DIP2B: variants seen among roughly 807,000 people sequenced by gnomAD.
DIP2B encodes the protein disco-interacting protein 2 homolog B.
DIP2B carries 76 observed loss-of-function variants against 198.0 expected under a neutral mutation model. The ratio of observed to expected loss-of-function variants is 0.38; its 90% CI spans 0.32 to 0.46. The LOEUF (loss-of-function observed/expected upper bound fraction) is 0.46, where lower values mean the gene tolerates loss of function less well. DIP2B is among the 20% of genes least tolerant of loss of function. The pLI is 0.99. For synonymous variants in DIP2B, 701 were observed against 739.1 expected, an observed-to-expected ratio of 0.95 and a Z score of 0.84; for missense variants, 1,559 against 1,978.4, an observed-to-expected ratio of 0.79 and a Z score of 4.02.
At chr12:50,701,043 C>T (rs893123909) in intron 19 of DIP2B, among the ~76,000 whole-genome samples, 1 of 152,160 alleles carries the variant, frequency 6.6e-6, no homozygotes, top group African/African-American at 2.4e-5. Flanking sequence ...TTACTAAAAA[C>T]AAGAGCCTCA....
chr12:50,654,827 T>C (rs1157331832), intron 3 of DIP2B, among the ~76,000 whole-genome samples: 3 of 152,202 alleles, frequency 2.0e-5, no homozygotes, highest in African/African-American at 7.2e-5. Flanking sequence ...TACTAGGATA[T>C]GAATTCTTAG....
Position 50,671,205 on chromosome 12 carries a change from G to A in DIP2B, c.447G>A (p.Glu149=). The A allele has an allele frequency of 6.2e-7, 1 of 1,614,144 alleles. No individual in the cohort carries two copies. The highest frequency in any genetic ancestry group is 8.5e-7 in the Non-Finnish European group (1 of 1,180,034). ...CTPPDTSSAS[E]DEGSLRRQAA... ...ACACAGACACATCTTCGGCCTCTGA[G>A]GATGAGGGCTCTCTGAGACGCCAAG... Residue 149 remains glutamate, a synonymous_variant, in exon 5 of 38, where the codon GAG becomes GAA. Transcript: ENST00000301180.
intron 1 of DIP2B, among the ~76,000 whole-genome samples, chr12:50,535,088 C>T (rs181730419): frequency 7.2e-5 from 11 of 152,002 alleles, no homozygotes; most frequent in South Asian, 4.1e-4. Context: ...AAAAATTAGC[C>T]GGGTGTGATG....
chr12:50,709,224 T>C (rs560044824), intron 22 of DIP2B, among the ~76,000 whole-genome samples: 1 of 152,362 alleles, frequency 6.6e-6, no homozygotes, highest in African/African-American at 2.4e-5. Context: ...ATCTGTTTTA[T>C]AGAGCTGTTG....
Position 50,721,310 on chromosome 12 carries a change from A to G in DIP2B, c.3080A>G (p.His1027Arg). ...TVCTASCLQL[H>R]KRAERIASVL... The stretch of plus-strand genomic sequence containing the variant: ...TGCACAGCCAGCTGCCTTCAGCTTC[A>G]TAAGCGAGCAGAGAGGATTGCATCT... Residue 1027 changes from histidine (H) to arginine (R), a missense_variant, in exon 26 of 38, where the codon CAT becomes CGT. His to Arg is a conservative substitution (Grantham distance 29). Coordinates refer to ENST00000301180, the MANE Select transcript of DIP2B (RefSeq NM_173602.3). 2 of 1,614,186 alleles carry G rather than the reference A, an allele frequency of 1.2e-6. No individual in the cohort carries two copies. The highest frequency in any genetic ancestry group is 8.5e-7 in the Non-Finnish European group (1 of 1,180,018).
At chr12:50,529,990 CAT>C (rs1007296817) in intron 1 of DIP2B, among the ~76,000 whole-genome samples, 36 of 152,306 alleles carry the variant, frequency 2.4e-4, no homozygotes, top group African/African-American at 8.2e-4. Flanking sequence ...TAAGATCAAA[CAT>C]AAATTTTAAC....
intron 1 of DIP2B, among the ~76,000 whole-genome samples, chr12:50,549,529 C>CA (rs1395406136): frequency 6.8e-6 from 1 of 147,602 alleles, no homozygotes; most frequent in Non-Finnish European, 1.5e-5. Flanking sequence ...ACTCTTGTCT[C>CA]AAAAAAAATA....
At chr12:50,516,221 C>T (rs1367606139) in intron 1 of DIP2B, among the ~76,000 whole-genome samples, 1 of 144,752 alleles carries the variant, frequency 6.9e-6, no homozygotes, top group African/African-American at 2.6e-5. Flanking sequence ...CCATCTCTCT[C>T]TCTCTCTCTC....
intron 37 of DIP2B, among the ~76,000 whole-genome samples, chr12:50,742,853 G>A (rs940452202): frequency 3.3e-5 from 5 of 151,696 alleles, no homozygotes; most frequent in African/African-American, 7.3e-5. Context: ...CCAAGATTGC[G>A]CCACTGTACT....
intron 1 of DIP2B, among the ~76,000 whole-genome samples, chr12:50,581,676 C>G (rs1439611730): frequency 1.3e-5 from 2 of 151,326 alleles, no homozygotes. Flanking sequence ...TTGTGGTGTA[C>G]GTTATCGTGC....
rs145564416 is a variant in DIP2B at position 50,652,530 on chromosome 12, C to T, written c.302-7664C>T. Among the ~76,000 whole-genome samples, 236 of 151,574 alleles carry T rather than the reference C, an allele frequency of 1.6e-3. 1 individual carries two copies. The highest frequency in any genetic ancestry group is 5.3e-3 in the African/African-American group (218 of 41,382). ...TAGCCTGGGCGACAGACTGAGACTC[C>T]ATTTCAAAAAAAAGAAGTATGAAGA... On this transcript the variant is annotated intron_variant, in intron 3 of 37. Transcript: ENST00000301180.
chr12:50,621,283 C>T (rs752746386), intron 1 of DIP2B, among the ~76,000 whole-genome samples: 3 of 152,150 alleles, frequency 2.0e-5, no homozygotes, highest in African/African-American at 4.8e-5. Flanking sequence ...CTTTTAGTGC[C>T]TTGTGATTTA....
intron 4 of DIP2B, among the ~76,000 whole-genome samples, chr12:50,661,499 C>A (rs894688250): frequency 3.3e-5 from 5 of 152,256 alleles, no homozygotes; most frequent in African/African-American, 1.2e-4. Context: ...TTCTTCACAT[C>A]TGTGGTGTCA....
Position 50,744,709 on chromosome 12 carries a change from T to G in DIP2B, c.4601T>G (p.Val1534Gly). The G allele has an allele frequency of 6.2e-7, 1 of 1,614,224 alleles. No individual in the cohort carries two copies. Among genetic ancestry groups the G allele is most frequent in the Non-Finnish European group, 8.5e-7 (1 of 1,180,044 alleles). The change falls in exon 38 of 38, where the codon GTT becomes GGT. Residue 1534 changes from valine to glycine, a missense_variant. Physicochemically the swap from Val to Gly is moderately radical, Grantham distance 109. Transcript: ENST00000301180. ...GTCCTGGAAGAGCATTACCTCATCG[T>G]TGGCGTCGTGGTTGTGGTGGACCCA... Reference protein sequence around the residue: ...NVVLEEHYLIVGVVVVVDPGV... With the variant: ...NVVLEEHYLIGGVVVVVDPGV...
chr12:50,527,798 A>C (rs2139360124), intron 1 of DIP2B, among the ~76,000 whole-genome samples: 1 of 152,366 alleles, frequency 6.6e-6, no homozygotes, highest in South Asian at 2.1e-4. Context: ...AAATGATTAA[A>C]ATGTTAATTA....
rs1268598182 is a variant in DIP2B, at chr12:50,628,144, G to C, written c.172+2097G>C. Among the ~76,000 whole-genome samples the C allele has an allele frequency of 2.0e-5, 3 of 152,276 alleles. No homozygotes were observed. In the South Asian group the frequency reaches 6.2e-4, roughly 32 times the overall value. On this transcript the variant is annotated intron_variant, in intron 2 of 37. Coordinates refer to ENST00000301180, the MANE Select transcript of DIP2B (RefSeq NM_173602.3). ...CCAGTACTTTGGGAGGCCGAGGCGG[G>C]TGGATCACATGAAGTCAGGAGTTCA...
chr12:50,587,215 A>G (rs568023776), intron 1 of DIP2B, among the ~76,000 whole-genome samples: 5 of 152,298 alleles, frequency 3.3e-5, no homozygotes, highest in Non-Finnish European at 7.3e-5. Flanking sequence ...TTTGAAGTGT[A>G]TAGTGATAAA....
chr12:50,565,297 G>T (rs1206404254), intron 1 of DIP2B, among the ~76,000 whole-genome samples: 1 of 141,174 alleles, frequency 7.1e-6, no homozygotes, highest in Non-Finnish European at 1.6e-5. Flanking sequence ...ATGCCAGCTG[G>T]TGCCACTATT....
At chr12:50,539,824 C>G (rs10876052) in intron 1 of DIP2B, among the ~76,000 whole-genome samples, 41,366 of 151,634 alleles carry the variant, frequency 0.27, 5,968 homozygotes, top group East Asian at 0.39. Flanking sequence ...TTGTATAATC[C>G]TAAATAATAT....
Sources: allele counts gnomAD v4.1 joint callset (sites outside exome capture counted in the v4.1 genomes callset), GRCh38; gene constraint gnomAD v4.1.1; transcripts MANE v1.5; gene names NCBI Gene and HGNC (gene_info 2026-07-23, HGNC 2026-07-21).